SPTLC3: variants seen among roughly 807,000 people sequenced by gnomAD.
SPTLC3 encodes serine palmitoyltransferase 3.
SPTLC3 carries 36 observed loss-of-function variants against 59.3 expected under a neutral mutation model. The observed-to-expected ratio is 0.61, with a 90% CI of 0.47 to 0.80. SPTLC3 has a LOEUF of 0.80. Among genes scored for constraint, SPTLC3 ranks in the 30% least tolerant of loss-of-function variants. The pLI, the probability that SPTLC3 is intolerant of heterozygous loss-of-function variation, is 0.00. For synonymous variants in SPTLC3, 257 were observed against 240.8 expected, an observed-to-expected ratio of 1.07 and a Z score of -0.62; for missense variants, 625 against 685.1, an observed-to-expected ratio of 0.91 and a Z score of 0.98.
At chr20:13,014,368 G>A (rs1360284394) in intron 1 of SPTLC3, among the ~76,000 whole-genome samples, 1 of 152,178 alleles carries the variant, frequency 6.6e-6, no homozygotes, top group Non-Finnish European at 1.5e-5. Context: ...AGAGGCATTT[G>A]ACCCAAGTCT....
At chr20:13,027,178 C>T (rs963395406) in intron 1 of SPTLC3, among the ~76,000 whole-genome samples, 1 of 152,180 alleles carries the variant, frequency 6.6e-6, no homozygotes, top group East Asian at 1.9e-4. Flanking sequence ...GTATTTGAAT[C>T]TTTTATACAG....
At position 13,117,744 on chromosome 20, in the gene SPTLC3, G is replaced by C. The variant is rs368521260; in HGVS notation, c.1152+19G>C. ...AAGGAAGGTAAGAGAGGGCCTGCTT[G>C]TGTCTGTTTAAAACCTGAGCGCCCT... is the stretch of plus-strand genomic sequence containing the variant. On this transcript the variant is annotated intron_variant, in intron 8 of 11. Coordinates refer to ENST00000399002, the MANE Select transcript of SPTLC3 (RefSeq NM_018327.4). 1.7e-5 allele frequency: 27 copies of C among 1,593,548 alleles called. 1 individual carries two copies. The South Asian group carries it at 2.9e-4, about 17-fold the overall frequency.
intron 9 of SPTLC3, among the ~76,000 whole-genome samples, chr20:13,138,923 A>G (rs1407805505): frequency 6.6e-6 from 1 of 152,188 alleles, no homozygotes; most frequent in Non-Finnish European, 1.5e-5. Flanking sequence ...TCTCTCACTT[A>G]AAGTTTCCTA....
intron 6 of SPTLC3, among the ~76,000 whole-genome samples, chr20:13,098,077 C>T (rs1346890978): frequency 6.6e-6 from 1 of 152,014 alleles, no homozygotes; most frequent in African/African-American, 2.4e-5. Context: ...TTTAAAGCGT[C>T]GTATAAAGAA....
At chr20:13,109,581 T>A (rs1442663015) in intron 6 of SPTLC3, among the ~76,000 whole-genome samples, 1 of 152,196 alleles carries the variant, frequency 6.6e-6, no homozygotes, top group African/African-American at 2.4e-5. Context: ...TGTTCAGAGA[T>A]CCCCAAATAT....
chr20:13,148,538 T>C (rs2038569275), intron 9 of SPTLC3, among the ~76,000 whole-genome samples: 1 of 152,170 alleles, frequency 6.6e-6, no homozygotes, highest in Admixed American at 6.5e-5. Flanking sequence ...ACTCAGGAAC[T>C]GCTGGGAAGT....
intron 6 of SPTLC3, among the ~76,000 whole-genome samples, chr20:13,098,836 A>T (rs1161182701): frequency 1.3e-5 from 2 of 152,180 alleles, no homozygotes; most frequent in African/African-American, 2.4e-5. Flanking sequence ...CTTGTCCAAG[A>T]TCATACAACT....
chr20:13,050,113 CAGG>C (rs1987418731), intron 2 of SPTLC3: 1 of 152,112 alleles, frequency 6.6e-6, no homozygotes. Flanking sequence ...AAAAAGAATT[CAGG>C]AGGTTATTAA....
At chr20:13,039,448 C>T (rs977033302) in intron 1 of SPTLC3, among the ~76,000 whole-genome samples, 3 of 151,990 alleles carry the variant, frequency 2.0e-5, no homozygotes, top group African/African-American at 4.8e-5. Flanking sequence ...CTTACGGGTG[C>T]TGTTTTCATG....
chr20:13,137,180 A>G (rs903156697), intron 9 of SPTLC3, among the ~76,000 whole-genome samples: 2 of 152,208 alleles, frequency 1.3e-5, no homozygotes, highest in African/African-American at 4.8e-5. Context: ...GAAATATTCA[A>G]TAGAAATGCT....
At chr20:13,130,321 G>T (rs2038093904) in intron 9 of SPTLC3, among the ~76,000 whole-genome samples, 2 of 152,226 alleles carry the variant, frequency 1.3e-5, no homozygotes. Context: ...ATCTGAGAAA[G>T]AGAAGCCGGG....
At chr20:13,039,102 T>G (rs1044531824) in intron 1 of SPTLC3, among the ~76,000 whole-genome samples, 2 of 152,118 alleles carry the variant, frequency 1.3e-5, no homozygotes, top group African/African-American at 2.4e-5. Context: ...TTTGCTGTTT[T>G]GGGGAGACGT....
intron 9 of SPTLC3, among the ~76,000 whole-genome samples, chr20:13,148,302 G>A (rs2038562702): frequency 6.6e-6 from 1 of 152,118 alleles, no homozygotes; most frequent in South Asian, 2.1e-4. Context: ...AGTATTTGTG[G>A]CCTCCGTTAA....
Position 13,142,281 on chromosome 20 carries a change from T to C in SPTLC3, c.1280-11722T>C, listed in dbSNP as rs192942213. ...CCGTCCCACAAACAAGATATCCTTTTACATGAGCCCTACTGGAGCATCCTC... is the reference window on the plus strand; with the variant it reads ...CCGTCCCACAAACAAGATATCCTTTCACATGAGCCCTACTGGAGCATCCTC... On this transcript the variant is annotated intron_variant, in intron 9 of 11. Transcript: ENST00000399002. 1.7e-4 allele frequency among the ~76,000 whole-genome samples: 26 copies of C among 152,362 alleles called. No homozygotes were observed. In the East Asian group the frequency reaches 2.7e-3, roughly 16 times the overall value.
intron 10 of SPTLC3, among the ~76,000 whole-genome samples, chr20:13,157,403 C>T (rs934571795): frequency 2.6e-5 from 4 of 152,022 alleles, no homozygotes; most frequent in African/African-American, 9.7e-5. Flanking sequence ...TACCACTGCA[C>T]TCCAGCCTGG....
intron 8 of SPTLC3, among the ~76,000 whole-genome samples, chr20:13,124,457 G>A (rs1223587310): frequency 6.6e-6 from 1 of 151,748 alleles, no homozygotes; most frequent in Non-Finnish European, 1.5e-5. Flanking sequence ...GAGAACTAGA[G>A]TAGAAGGGAA....
intron 2 of SPTLC3, among the ~76,000 whole-genome samples, chr20:13,054,164 C>T (rs1000994914): frequency 2.6e-5 from 4 of 152,218 alleles, no homozygotes; most frequent in African/African-American, 9.6e-5. Context: ...AAGCATTGTA[C>T]ATTCAAGGAA....
At chr20:13,159,903 A>C in intron 10 of SPTLC3, 100 bp from the exon 11 acceptor site, 1 of 1,431,806 alleles carries the variant, frequency 7.0e-7, no homozygotes, top group Non-Finnish European at 9.3e-7. Context: ...GAAAAAAGAA[A>C]AAAGAAAAAA....
chr20:13,100,610 C>A (rs1335358028), intron 6 of SPTLC3, among the ~76,000 whole-genome samples: 2 of 152,146 alleles, frequency 1.3e-5, no homozygotes, highest in African/African-American at 4.8e-5. Flanking sequence ...GTACCAGAAT[C>A]TTTTATCACC....
Sources: allele counts gnomAD v4.1 joint callset (sites outside exome capture counted in the v4.1 genomes callset), GRCh38; gene constraint gnomAD v4.1.1; transcripts MANE v1.5; gene names NCBI Gene and HGNC (gene_info 2026-07-23, HGNC 2026-07-21).